The following FARP1 variants were observed in gnomAD, a reference collection of about 807,000 sequenced individuals.
FARP1 encodes FERM, ARHGEF and pleckstrin domain-containing protein 1.
In FARP1, 52 loss-of-function variants were observed where a neutral mutation model predicts 128.8. The ratio of observed to expected loss-of-function variants is 0.40; its 90% CI spans 0.32 to 0.51. The LOEUF (loss-of-function observed/expected upper bound fraction) is 0.51. Among genes scored for constraint, FARP1 ranks in the 20% least tolerant of loss-of-function variants. FARP1 has a pLI of 0.45. For missense variants in FARP1, 1,333 were observed against 1,367.9 expected, an observed-to-expected ratio of 0.97 and a Z score of 0.40; for synonymous variants, 580 against 551.8, an observed-to-expected ratio of 1.05 and a Z score of -0.72.
At chr13:98,209,647 A>G (rs867315546) in intron 1 of FARP1, among the ~76,000 whole-genome samples, 2 of 150,234 alleles carry the variant, frequency 1.3e-5, no homozygotes, top group South Asian at 2.1e-4. Context: ...AAATACAACA[A>G]TTAGCTGGGT....
intron 2 of FARP1, among the ~76,000 whole-genome samples, chr13:98,317,388 T>G (rs1485410756): frequency 4.6e-5 from 7 of 152,244 alleles, no homozygotes; most frequent in Admixed American, 2.0e-4. Context: ...GCTTCCTGAG[T>G]AGCTGGCACA....
At position 98,176,614 on chromosome 13, in the gene FARP1, C is replaced by T. The variant is rs1878059963; in HGVS notation, c.-24+33122C>T. On this transcript the variant is annotated intron_variant, in intron 1 of 26. Coordinates refer to ENST00000319562, the MANE Select transcript of FARP1 (RefSeq NM_005766.4). This position sits in a 1 kb window ranked among gnomAD's most constrained non-coding sequence, Gnocchi z 6.2. The stretch of plus-strand genomic sequence containing the variant: ...GTCGTGGAGGAATTTGCAGCTGTCC[C>T]CGAAGCCACAGAAGCCAGTCTCCTT... 3 of 1,614,226 alleles carry T rather than the reference C, an allele frequency of 1.9e-6. No homozygotes were observed. Among genetic ancestry groups the T allele is most frequent in the Non-Finnish European group, 2.5e-6 (3 of 1,180,046 alleles).
intron 1 of FARP1, among the ~76,000 whole-genome samples, chr13:98,201,649 T>C (rs1016336522): frequency 6.6e-6 from 1 of 152,212 alleles, no homozygotes; most frequent in Non-Finnish European, 1.5e-5. Flanking sequence ...TGGGTAGAAC[T>C]GGACATTTGA....
chr13:98,447,172 A>ACAGT, intron 26 of FARP1: 1 of 210,132 alleles, frequency 4.8e-6, no homozygotes, highest in South Asian at 8.6e-5. Flanking sequence ...AAGAAATGCA[A>ACAGT]CAGTCAGGCC....
chr13:98,232,126 G>A (rs527837499), intron 2 of FARP1, among the ~76,000 whole-genome samples: 52 of 97,342 alleles, frequency 5.3e-4, no homozygotes, highest in South Asian at 3.0e-3. Flanking sequence ...CACCGTGCCC[G>A]GCTTTTTTTG....
intron 2 of FARP1, among the ~76,000 whole-genome samples, chr13:98,302,703 T>C (rs1435212396): frequency 2.0e-5 from 3 of 152,182 alleles, no homozygotes; most frequent in African/African-American, 2.4e-5. Flanking sequence ...TAGTTCTCAG[T>C]TGTGGGATGC....
At chr13:98,205,556 C>CTAA (rs1880218430) in intron 1 of FARP1, among the ~76,000 whole-genome samples, 2 of 152,176 alleles carry the variant, frequency 1.3e-5, no homozygotes, top group Non-Finnish European at 2.9e-5. Context: ...CCATGCCCGG[C>CTAA]TAATTTTTTT....
intron 3 of FARP1, among the ~76,000 whole-genome samples, chr13:98,348,231 C>T (rs753041): frequency 0.32 from 48,365 of 152,172 alleles, 9,343 homozygotes; most frequent in East Asian, 0.71. Flanking sequence ...TGCTCTTGCC[C>T]TTGGCTCTTG....
intron 1 of FARP1, among the ~76,000 whole-genome samples, chr13:98,195,029 G>A (rs1411692682): frequency 1.3e-5 from 2 of 152,206 alleles, no homozygotes; most frequent in Non-Finnish European, 2.9e-5. Flanking sequence ...CCATAGGGTC[G>A]TTGTGTAGAA....
chr13:98,143,396 G>T lies in FARP1; in HGVS notation c.-120G>T. ...CCGCCGCCCGCGGGTATTAATAGCC[G>T]GCGCCGCCGCGCCCTCGGCCGCCGG... is the stretch of plus-strand genomic sequence containing the variant. On this transcript the variant is annotated 5_prime_UTR_variant, in exon 1 of 27. Coordinates refer to ENST00000319562, the MANE Select transcript of FARP1 (RefSeq NM_005766.4). 6.6e-6 allele frequency: 1 copy of T among 150,428 alleles called. No individual in the cohort carries two copies. Among genetic ancestry groups the T allele is most frequent in the South Asian group, 1.8e-4 (1 of 5,408 alleles). The allele number at this position is 150,428 out of a possible 1,614,324, so 9.3% of individuals were successfully genotyped here.
At chr13:98,443,033 G>A (rs1892592951) in intron 24 of FARP1, among the ~76,000 whole-genome samples, 1 of 152,236 alleles carries the variant, frequency 6.6e-6, no homozygotes, top group Non-Finnish European at 1.5e-5. Flanking sequence ...CACGGTCGCA[G>A]CCTTCCGTGT....
At chr13:98,335,862 C>G (rs985649400) in intron 2 of FARP1, among the ~76,000 whole-genome samples, 4 of 152,286 alleles carry the variant, frequency 2.6e-5, no homozygotes, top group African/African-American at 7.2e-5. Flanking sequence ...GGGCACAAGG[C>G]CTTCGAGACC....
chr13:98,227,081 C>T (rs1430084086), intron 2 of FARP1, among the ~76,000 whole-genome samples: 1 of 152,120 alleles, frequency 6.6e-6, no homozygotes, highest in Non-Finnish European at 1.5e-5. Context: ...GCTGGGACTA[C>T]AGGCGCCCGC....
intron 13 of FARP1, chr13:98,404,672 G>A (rs1465918318): frequency 6.6e-6 from 1 of 152,102 alleles, no homozygotes; most frequent in Admixed American, 6.5e-5. Context: ...CTATGTTTTA[G>A]AACAGAATAA....
Position 98,176,083 on chromosome 13 carries a change from G to C in FARP1, c.-24+32591G>C. 8.2e-7 allele frequency: 1 copy of C among 1,221,986 alleles called. No individual in the cohort carries two copies. The highest frequency in any genetic ancestry group is 1.2e-6 in the Non-Finnish European group (1 of 834,226). The allele number at this position is 1,221,986 out of a possible 1,614,324, so 75.7% of individuals were successfully genotyped here. A position where few individuals can be genotyped will look rare whatever the true frequency, so the allele number is the denominator to read the frequency against. ...CTTTTGGTTACATACTCAGGCATGGGATTGCAGGAAGACTGTCATCTCTCT... is the reference window on the plus strand; with the variant it reads ...CTTTTGGTTACATACTCAGGCATGGCATTGCAGGAAGACTGTCATCTCTCT... On this transcript the variant is annotated intron_variant, in intron 1 of 26. Coordinates refer to ENST00000319562, the MANE Select transcript of FARP1 (RefSeq NM_005766.4). The surrounding 1 kb of genome is among the most constrained non-coding windows in gnomAD (Gnocchi z 6.2).
chr13:98,307,458 C>A (rs1197222020), intron 2 of FARP1, among the ~76,000 whole-genome samples: 1 of 152,104 alleles, frequency 6.6e-6, no homozygotes. Flanking sequence ...CCATCTCTGT[C>A]TCGTGGGCTG....
At chr13:98,283,552 T>C (rs1303400406) in intron 2 of FARP1, among the ~76,000 whole-genome samples, 1 of 152,176 alleles carries the variant, frequency 6.6e-6, no homozygotes, top group Non-Finnish European at 1.5e-5. Flanking sequence ...TGGTTTTGTT[T>C]CTGTTTTTTT....
chr13:98,185,437 G>A (rs75912462), intron 1 of FARP1, among the ~76,000 whole-genome samples: 44 of 152,182 alleles, frequency 2.9e-4, no homozygotes, highest in African/African-American at 1.0e-3. Context: ...CTTTATGTTG[G>A]GGGGGCTTCC....
At chr13:98,173,380 A>G (rs549456102) in intron 1 of FARP1, among the ~76,000 whole-genome samples, 2 of 152,186 alleles carry the variant, frequency 1.3e-5, no homozygotes, top group African/African-American at 2.4e-5. Context: ...ATATTAATCA[A>G]TCTGGGTACA....
Sources: gnomAD v4.1 joint callset for allele counts (sites outside exome capture counted in the v4.1 genomes callset) on GRCh38, gnomAD v4.1.1 for gene constraint, Gnocchi (gnomAD v3.1) non-coding constraint, MANE v1.5 for transcripts, NCBI Gene and HGNC (gene_info 2026-07-23, HGNC 2026-07-21) for gene names.